The following TMCC1 variants were observed in gnomAD, a reference collection of about 807,000 sequenced individuals.
The protein encoded by TMCC1 is transmembrane and coiled-coil domains protein 1.
A neutral mutation model predicts 52.4 loss-of-function variants in TMCC1; 15 were observed. That is an observed-to-expected ratio of 0.29 (90% CI 0.19 to 0.44). TMCC1 has a LOEUF of 0.44. Among genes scored for constraint, TMCC1 ranks in the 20% least tolerant of loss-of-function variants. The pLI is 1.00. For missense variants in TMCC1, 503 were observed against 806.0 expected (o/e 0.62, Z 4.55); for synonymous variants, 279 against 301.9 (o/e 0.92, Z 0.79).
intron 4 of TMCC1, among the ~76,000 whole-genome samples, chr3:129,792,686 G>T (rs1387290251): frequency 6.6e-6 from 1 of 152,030 alleles, no homozygotes; most frequent in Non-Finnish European, 1.5e-5. Flanking sequence ...TACTCTGATA[G>T]AACAGTAAAT....
chr3:129,724,166 T>C (rs1321230303), intron 4 of TMCC1, among the ~76,000 whole-genome samples: 5 of 152,168 alleles, frequency 3.3e-5, no homozygotes, highest in Non-Finnish European at 7.3e-5. Flanking sequence ...TCAGGGCATG[T>C]TGGCAGCTGT....
chr3:129,739,832 AAG>A (rs1415744430), intron 4 of TMCC1, among the ~76,000 whole-genome samples: 1 of 152,232 alleles, frequency 6.6e-6, no homozygotes, highest in African/African-American at 2.4e-5. Flanking sequence ...TAATGGAAGA[AAG>A]AAATATTGCG....
At chr3:129,720,898 G>A (rs1403268934) in intron 4 of TMCC1, among the ~76,000 whole-genome samples, 2 of 151,824 alleles carry the variant, frequency 1.3e-5, no homozygotes, top group African/African-American at 4.8e-5. Context: ...TCACTATGTT[G>A]CTCACGCTGG....
At chr3:129,886,167 A>G (rs1033826678) in intron 1 of TMCC1, among the ~76,000 whole-genome samples, 5 of 152,208 alleles carry the variant, frequency 3.3e-5, no homozygotes, top group African/African-American at 4.8e-5. Context: ...AATGGTTCAC[A>G]TAACTCAGGA....
chr3:129,818,762 A>G (rs2058258945), intron 4 of TMCC1, among the ~76,000 whole-genome samples: 1 of 152,240 alleles, frequency 6.6e-6, no homozygotes, highest in Admixed American at 6.5e-5. Context: ...ATTCTTCAAC[A>G]TGCCACAATT....
At chr3:129,756,100 GAAAA>G (rs764626470) in intron 4 of TMCC1, among the ~76,000 whole-genome samples, 1 of 50,300 alleles carries the variant, frequency 2.0e-5, no homozygotes, top group Non-Finnish European at 4.3e-5. Context: ...TCCATCTCAA[GAAAA>G]AAAAAAAAAA....
intron 4 of TMCC1, among the ~76,000 whole-genome samples, chr3:129,689,552 G>A (rs2089649770): frequency 6.6e-6 from 1 of 152,136 alleles, no homozygotes; most frequent in South Asian, 2.1e-4. Flanking sequence ...CTGGGGGTGT[G>A]ATATGAGCCT....
chr3:129,745,184 T>G (rs1038447087), intron 4 of TMCC1, among the ~76,000 whole-genome samples: 1 of 152,192 alleles, frequency 6.6e-6, no homozygotes, highest in African/African-American at 2.4e-5. Flanking sequence ...AGATTTTTAT[T>G]CAAAAGTACA....
chr3:129,834,143 GA>G (rs2059048171), intron 2 of TMCC1, among the ~76,000 whole-genome samples: 1 of 152,102 alleles, frequency 6.6e-6, no homozygotes, highest in Non-Finnish European at 1.5e-5. Flanking sequence ...AAAGCCTGAT[GA>G]AAAAAGCAGC....
chr3:129,759,710 C>T (rs879694241), intron 4 of TMCC1, among the ~76,000 whole-genome samples: 1,826 of 37,218 alleles, frequency 0.049, 63 homozygotes, highest in Middle Eastern at 0.14. Context: ...GCCAGCCAAA[C>T]TTTTTTTTTT....
chr3:129,687,757 C>A lies in TMCC1; in HGVS notation c.577-16493G>T, dbSNP rs530910491. On this transcript the variant is annotated intron_variant, in intron 4 of 6. Transcript: ENST00000393238. ...CTATGAAAATAGCAGACTCCTTATC[C>A]TGCCTTCCTCCACCTCCATACTTAT... Among the ~76,000 whole-genome samples the A allele has an allele frequency of 1.1e-4, 17 of 152,348 alleles. No homozygotes were observed. In the South Asian group the frequency reaches 3.3e-3, roughly 30 times the overall value.
At chr3:129,853,928 T>A (rs961868318) in intron 2 of TMCC1, among the ~76,000 whole-genome samples, 1 of 152,174 alleles carries the variant, frequency 6.6e-6, no homozygotes, top group African/African-American at 2.4e-5. Context: ...TTCTGCTGAC[T>A]ATATCTCCTA....
At chr3:129,823,592 T>C (rs1422015655) in intron 4 of TMCC1, among the ~76,000 whole-genome samples, 4 of 152,152 alleles carry the variant, frequency 2.6e-5, no homozygotes, top group Non-Finnish European at 5.9e-5. Context: ...CAAAGTTGTC[T>C]TTCTTGAGAA....
chr3:129,759,148 T>G (rs935797926), intron 4 of TMCC1, among the ~76,000 whole-genome samples: 8 of 152,194 alleles, frequency 5.3e-5, no homozygotes, highest in Non-Finnish European at 8.8e-5. Context: ...TTTTAAGTGG[T>G]TAGATAAACC....
intron 4 of TMCC1, among the ~76,000 whole-genome samples, chr3:129,725,763 G>A (rs1278309942): frequency 6.6e-6 from 1 of 151,948 alleles, no homozygotes; most frequent in Non-Finnish European, 1.5e-5. Context: ...ACAGTGCCCA[G>A]AATGGTGGTT....
At chr3:129,755,203 G>A (rs2052892660) in intron 4 of TMCC1, among the ~76,000 whole-genome samples, 1 of 152,118 alleles carries the variant, frequency 6.6e-6, no homozygotes, top group African/African-American at 2.4e-5. Flanking sequence ...AGAAGATAGA[G>A]GGGGGAGGGG....
chr3:129,652,409 A>C (rs576102557), intron 6 of TMCC1, among the ~76,000 whole-genome samples: 1 of 152,370 alleles, frequency 6.6e-6, no homozygotes, highest in African/African-American at 2.4e-5. Context: ...GATGGGAAAG[A>C]GGCTGGACAT....
At chr3:129,833,029 A>G (rs1421611474) in intron 2 of TMCC1, among the ~76,000 whole-genome samples, 1 of 152,178 alleles carries the variant, frequency 6.6e-6, no homozygotes, top group Non-Finnish European at 1.5e-5. Context: ...AATAATTATA[A>G]TCAAGAAAGA....
In TMCC1 at chr3:129,873,733, G is replaced by T. The variant is rs548667870; in HGVS notation, c.-184+6576C>A. ...AAAATACTGTTTTTTAATGACATGG[G>T]CTATAAGTAGCATACGGTTAATCCC... On this transcript the variant is annotated intron_variant, in intron 2 of 6. Coordinates refer to ENST00000393238, the MANE Select transcript of TMCC1 (RefSeq NM_001017395.5). 8.5e-5 allele frequency among the ~76,000 whole-genome samples: 13 copies of T among 152,262 alleles called. No individual in the cohort carries two copies. The East Asian group carries it at 1.7e-3, about 20-fold the overall frequency.
Sources: gnomAD v4.1 joint callset for allele counts (sites outside exome capture counted in the v4.1 genomes callset) on GRCh38, gnomAD v4.1.1 for gene constraint, MANE v1.5 for transcripts, NCBI Gene and HGNC (gene_info 2026-07-23, HGNC 2026-07-21) for gene names.